TRMT9B: variants seen among roughly 807,000 people sequenced by gnomAD.
TRMT9B encodes probable tRNA methyltransferase 9B.
In TRMT9B, 16 loss-of-function variants were observed where a neutral mutation model predicts 11.5. The observed-to-expected ratio is 1.39, with a 90% CI of 0.94 to 2.11. TRMT9B has a LOEUF of 2.11. TRMT9B is among the 30% of genes most tolerant of loss of function. The probability of loss-of-function intolerance (pLI) is 0.00; values close to 1 mark genes in which losing one functional copy is unlikely to be tolerated. For missense variants in TRMT9B, 941 were observed against 553.8 expected (o/e 1.70, Z -7.02); for synonymous variants, 274 against 192.4 (o/e 1.42, Z -3.51).
At chr8:12,985,887 G>A (rs1806208688) in intron 1 of TRMT9B, among the ~76,000 whole-genome samples, 1 of 151,808 alleles carries the variant, frequency 6.6e-6, no homozygotes, top group Non-Finnish European at 1.5e-5. Flanking sequence ...TTGAGATGGA[G>A]TCTCACTCTG....
chr8:13,012,168 C>T (rs1811735116), intron 3 of TRMT9B: 1 of 985,204 alleles, frequency 1.0e-6, no homozygotes, highest in South Asian at 4.7e-5. Context: ...TTATTTTTTT[C>T]CTATTGCCTT....
intron 3 of TRMT9B, among the ~76,000 whole-genome samples, chr8:13,009,028 G>T (rs1450173381): frequency 6.6e-6 from 1 of 151,820 alleles, no homozygotes; most frequent in African/African-American, 2.4e-5. Context: ...GCGCCCGGCC[G>T]GTAATTTTTT....
At chr8:12,967,918 C>T (rs1803044151) in intron 1 of TRMT9B, among the ~76,000 whole-genome samples, 1 of 152,202 alleles carries the variant, frequency 6.6e-6, no homozygotes, top group Non-Finnish European at 1.5e-5. Context: ...CTTTCTGAGA[C>T]AGGCTCTTGC....
At chr8:12,948,490 A>G (rs1303775842) in intron 1 of TRMT9B, among the ~76,000 whole-genome samples, 1 of 148,212 alleles carries the variant, frequency 6.7e-6, no homozygotes, top group Non-Finnish European at 1.5e-5. Flanking sequence ...TATTATATAA[A>G]TATATTAAAA....
chr8:13,012,312 T>C, intron 3 of TRMT9B: 1 of 982,924 alleles, frequency 1.0e-6, no homozygotes, highest in Non-Finnish European at 1.2e-6. Context: ...CACAGTGGCT[T>C]GCACCTGTAA....
chr8:13,005,315 A>C (rs1289141370), intron 2 of TRMT9B, among the ~76,000 whole-genome samples: 2 of 152,040 alleles, frequency 1.3e-5, no homozygotes, highest in African/African-American at 4.8e-5. Flanking sequence ...GGTGGGAGGG[A>C]AGTGGAGATT....
chr8:12,968,739 C>T (rs1036714849), intron 1 of TRMT9B, among the ~76,000 whole-genome samples: 5 of 152,176 alleles, frequency 3.3e-5, no homozygotes, highest in African/African-American at 4.8e-5. Flanking sequence ...CTACCTCTCA[C>T]AGGAGGTGTA....
chr8:12,993,812 C>A (rs1807833691), intron 2 of TRMT9B, among the ~76,000 whole-genome samples: 1 of 152,232 alleles, frequency 6.6e-6, no homozygotes, highest in Non-Finnish European at 1.5e-5. Flanking sequence ...AAGAAGCATT[C>A]AAGTTTGTAA....
At chr8:13,002,299 C>T (rs546367988) in intron 2 of TRMT9B, among the ~76,000 whole-genome samples, 64 of 152,260 alleles carry the variant, frequency 4.2e-4, no homozygotes, top group African/African-American at 1.5e-3. Context: ...GAAAAACTTG[C>T]TTGTTCTAGT....
chr8:12,968,573 G>C (rs542773345), intron 1 of TRMT9B, among the ~76,000 whole-genome samples: 1 of 152,306 alleles, frequency 6.6e-6, no homozygotes, highest in South Asian at 2.1e-4. Flanking sequence ...GGAATCTTAA[G>C]AGAGTGACAT....
intron 2 of TRMT9B, among the ~76,000 whole-genome samples, chr8:12,993,234 C>A (rs945649005): frequency 6.6e-6 from 1 of 152,092 alleles, no homozygotes; most frequent in African/African-American, 2.4e-5. Flanking sequence ...GCAGAGGTCC[C>A]CTGAAGGGCT....
At chr8:12,968,363 C>T (rs932296023) in intron 1 of TRMT9B, among the ~76,000 whole-genome samples, 5 of 152,258 alleles carry the variant, frequency 3.3e-5, no homozygotes, top group African/African-American at 1.2e-4. Flanking sequence ...ATCTAGAAAG[C>T]CTCAGGCTTG....
intron 2 of TRMT9B, among the ~76,000 whole-genome samples, chr8:12,997,449 C>G (rs1808567142): frequency 6.6e-6 from 1 of 152,130 alleles, no homozygotes; most frequent in Non-Finnish European, 1.5e-5. Context: ...GCTTGTACAG[C>G]CTGTAGAACC....
In TRMT9B at chr8:13,006,418, A is replaced by G. The variant is rs575346199; in HGVS notation, c.154+62A>G. On this transcript the variant is annotated intron_variant, in intron 3 of 4. Coordinates refer to ENST00000524591, the MANE Select transcript of TRMT9B (RefSeq NM_020844.3). The stretch of plus-strand genomic sequence containing the variant: ...GGCAGCCTCATCGCTGACATAGGTA[A>G]CCAGGCAGCCTCATCGCTGACATAG... 1,565 of 1,511,608 alleles carry G rather than the reference A, an allele frequency of 1.0e-3. 5 individuals carry two copies. Among genetic ancestry groups the G allele is most frequent in the South Asian group, 4.4e-3 (332 of 74,630 alleles). 93.6% of individuals were successfully genotyped at this position (1,511,608 alleles called of 1,614,324 possible).
At chr8:13,011,116 A>G (rs1473064654) in intron 3 of TRMT9B, 1 of 324,080 alleles carries the variant, frequency 3.1e-6, no homozygotes, top group African/African-American at 2.2e-5. Flanking sequence ...CCTCCTGAGT[A>G]ACTGGGATTA....
intron 1 of TRMT9B, among the ~76,000 whole-genome samples, chr8:12,953,506 T>A (rs532416786): frequency 4.6e-5 from 7 of 152,274 alleles, no homozygotes; most frequent in African/African-American, 1.7e-4. Flanking sequence ...CAAACCACCA[T>A]GCCCAGCTAA....
intron 1 of TRMT9B, among the ~76,000 whole-genome samples, chr8:12,981,117 A>G (rs761267431): frequency 6.6e-5 from 10 of 151,744 alleles, no homozygotes; most frequent in Non-Finnish European, 1.5e-4. Flanking sequence ...TTTCTCCATA[A>G]TAGAAGCAAC....
intron 3 of TRMT9B, 137 bp downstream of exon 3, chr8:13,006,493 G>A (rs1043159278): frequency 3.3e-6 from 5 of 1,507,992 alleles, no homozygotes; most frequent in African/African-American, 1.4e-5. Flanking sequence ...ACTGGGCCGT[G>A]TAGCATGAAA....
intron 1 of TRMT9B, among the ~76,000 whole-genome samples, chr8:12,959,235 C>T (rs528910312): frequency 4.7e-4 from 71 of 152,202 alleles, no homozygotes; most frequent in East Asian, 3.1e-3. Context: ...TGAAATGCTC[C>T]AGTATCCAAA....
Sources: allele counts gnomAD v4.1 joint callset (sites outside exome capture counted in the v4.1 genomes callset), GRCh38; gene constraint gnomAD v4.1.1; transcripts MANE v1.5; gene names NCBI Gene and HGNC (gene_info 2026-07-23, HGNC 2026-07-21).